Variants in GLIS3 observed in about 807,000 individuals in gnomAD.
The protein encoded by GLIS3 is zinc finger protein GLIS3.
In GLIS3, 53 loss-of-function variants were observed where a neutral mutation model predicts 78.6. The ratio of observed to expected loss-of-function variants is 0.67; its 90% CI spans 0.54 to 0.85. The LOEUF (loss-of-function observed/expected upper bound fraction) is 0.85, where lower values mean the gene tolerates loss of function less well. GLIS3 is among the 40% of genes least tolerant of loss of function. GLIS3 has a pLI of 0.00. For synonymous variants in GLIS3, 684 were observed against 509.9 expected (o/e 1.34, Z -4.60); for missense variants, 1,703 against 1,231.1 (o/e 1.38, Z -5.74).
At chr9:4,323,696 G>C (rs1191747944) in intron 2 of GLIS3, among the ~76,000 whole-genome samples, 3 of 152,138 alleles carry the variant, frequency 2.0e-5, no homozygotes, top group African/African-American at 4.8e-5. Flanking sequence ...TACCACCATA[G>C]CAGCCTCACA....
At chr9:4,037,640 A>T (rs1472362471) in intron 4 of GLIS3, among the ~76,000 whole-genome samples, 1 of 151,848 alleles carries the variant, frequency 6.6e-6, no homozygotes, top group Non-Finnish European at 1.5e-5. Flanking sequence ...TTAATCTATG[A>T]TCTAAGCACT....
chr9:4,405,221 G>A, the GLIS3 span, among the ~76,000 whole-genome samples: 1 of 152,072 alleles, frequency 6.6e-6, no homozygotes, highest in African/African-American at 2.4e-5. Context: ...AGGTTTGGTG[G>A]TGCACGCCTA....
chr9:4,477,794 A>C, the GLIS3 span, among the ~76,000 whole-genome samples: 5 of 152,212 alleles, frequency 3.3e-5, no homozygotes, highest in Non-Finnish European at 7.3e-5. Context: ...TGACGGCTGC[A>C]GAGTAATATG....
At chr9:4,002,530 C>A (rs1821191082) in intron 4 of GLIS3, among the ~76,000 whole-genome samples, 1 of 152,316 alleles carries the variant, frequency 6.6e-6, no homozygotes, top group Non-Finnish European at 1.5e-5. Flanking sequence ...TTGAAACTAT[C>A]TTCATGCCTC....
intron 8 of GLIS3, among the ~76,000 whole-genome samples, chr9:3,866,860 G>A (rs954953483): frequency 6.6e-6 from 1 of 152,116 alleles, no homozygotes; most frequent in African/African-American, 2.4e-5. Flanking sequence ...TGCCATGTGT[G>A]AGCTGGTGGG....
At chr9:3,997,852 T>C (rs1043056273) in intron 4 of GLIS3, among the ~76,000 whole-genome samples, 3 of 151,368 alleles carry the variant, frequency 2.0e-5, no homozygotes, top group African/African-American at 4.9e-5. Context: ...TTCTAGTTTA[T>C]ACAATAAGAT....
chr9:3,936,884 T>A, intron 5 of GLIS3, 144 bp downstream of exon 5: 1 of 1,113,786 alleles, frequency 9.0e-7, no homozygotes, highest in East Asian at 2.4e-5. Flanking sequence ...CCATCTGGCC[T>A]TTTACCAGGC....
chr9:4,257,865 G>A (rs1421861232), intron 2 of GLIS3, among the ~76,000 whole-genome samples: 2 of 151,922 alleles, frequency 1.3e-5, no homozygotes, highest in African/African-American at 2.4e-5. Context: ...GAGCCATTGC[G>A]CCCGGCCAAC....
At chr9:4,367,220 C>T in the GLIS3 span, among the ~76,000 whole-genome samples, 1 of 152,200 alleles carries the variant, frequency 6.6e-6, no homozygotes, top group Non-Finnish European at 1.5e-5. Flanking sequence ...GCCCACTCTC[C>T]AGCTTCATCA....
intron 2 of GLIS3, chr9:4,285,802 G>A: frequency 1.8e-6 from 1 of 560,686 alleles, no homozygotes. Flanking sequence ...CTATCTTACT[G>A]TTACTCTGTT....
chr9:4,258,823 C>G (rs1209650892), intron 2 of GLIS3, among the ~76,000 whole-genome samples: 3 of 152,222 alleles, frequency 2.0e-5, no homozygotes, highest in African/African-American at 7.2e-5. Context: ...ACTACCCCAG[C>G]AGGACATTAC....
chr9:4,372,777 C>A, the GLIS3 span, among the ~76,000 whole-genome samples: 2 of 152,120 alleles, frequency 1.3e-5, no homozygotes, highest in Non-Finnish European at 2.9e-5. Context: ...TATGATAGCT[C>A]ATCTAACTTT....
At chr9:4,081,337 T>A (rs754633224) in intron 4 of GLIS3, 1 of 152,244 alleles carries the variant, frequency 6.6e-6, no homozygotes, top group Non-Finnish European at 1.5e-5. Context: ...CTTACTGCAA[T>A]GGCAGAGGCT....
chr9:4,204,430 T>C (rs1410176194), intron 2 of GLIS3, among the ~76,000 whole-genome samples: 3 of 151,946 alleles, frequency 2.0e-5, no homozygotes, highest in Non-Finnish European at 4.4e-5. Flanking sequence ...AGATACAGAA[T>C]ATGAAAGGAA....
upstream of GLIS3, among the ~76,000 whole-genome samples, chr9:4,350,864 C>A (rs1049272556): frequency 6.6e-6 from 1 of 152,146 alleles, no homozygotes. Context: ...TCAGGACTTT[C>A]CCTAGTACCA....
chr9:4,457,507 G>A, the GLIS3 span, among the ~76,000 whole-genome samples: 2 of 151,984 alleles, frequency 1.3e-5, no homozygotes, highest in African/African-American at 4.8e-5. Flanking sequence ...TTTTGGGTGG[G>A]TTTGGACACA....
Position 3,826,092 on chromosome 9 carries a change from T to TC in GLIS3, c.*2179dup, listed in dbSNP as rs943963628. ...AGTTGAGCTTCTGTCTTGTCCTCCT[T>TC]CCCCCTTTCTATTTTAAATTACATA... On this transcript the variant is annotated 3_prime_UTR_variant, in exon 11 of 11. Coordinates refer to ENST00000381971, the MANE Select transcript of GLIS3 (RefSeq NM_001042413.2). 72 of 152,166 alleles carry TC rather than the reference T, an allele frequency of 4.7e-4. No homozygotes were observed. The highest frequency in any genetic ancestry group is 1.7e-3 in the African/African-American group (69 of 41,540). 9.4% of individuals were successfully genotyped at this position (152,166 alleles called of 1,614,324 possible).
chr9:4,232,717 G>C lies in GLIS3; in HGVS notation c.388+53321C>G, dbSNP rs570280535. On this transcript the variant is annotated intron_variant, in intron 2 of 10. Transcript: ENST00000381971. Reference sequence around the variant, plus strand: ...CTGGAAGTACCCATAATAAAGATGAGGAAGTTGGAGGACACAGAAACGTTA... The same window carrying C: ...CTGGAAGTACCCATAATAAAGATGACGAAGTTGGAGGACACAGAAACGTTA... Among the ~76,000 whole-genome samples the C allele has an allele frequency of 1.9e-4, 29 of 152,226 alleles. 1 individual carries two copies. The South Asian group carries it at 5.0e-3, about 26-fold the overall frequency.
intron 3 of GLIS3, among the ~76,000 whole-genome samples, chr9:4,125,505 ACAC>A: frequency 6.6e-6 from 1 of 152,204 alleles, no homozygotes; most frequent in Non-Finnish European, 1.5e-5. Context: ...CATGTCACTC[ACAC>A]CACAAGACAG....
Sources: gnomAD v4.1 joint callset for allele counts (sites outside exome capture counted in the v4.1 genomes callset) on GRCh38, gnomAD v4.1.1 for gene constraint, MANE v1.5 for transcripts, NCBI Gene and HGNC (gene_info 2026-07-23, HGNC 2026-07-21) for gene names.